The following CLIC5 variants were observed in gnomAD, a reference collection of about 807,000 sequenced individuals.
CLIC5 encodes the protein CLIC family member 5, also known as chloride intracellular channel protein 5.
CLIC5 carries 20 observed loss-of-function variants against 24.7 expected under a neutral mutation model. The ratio of observed to expected loss-of-function variants is 0.81; its 90% CI spans 0.57 to 1.18. The LOEUF is 1.18. Ranked by LOEUF, CLIC5 falls within the 50% of genes most tolerant of loss-of-function variation. The probability of loss-of-function intolerance (pLI) is 0.00; values close to 1 mark genes in which losing one functional copy is unlikely to be tolerated. For missense variants in CLIC5, 341 were observed against 326.1 expected (o/e 1.05, Z -0.35); for synonymous variants, 159 against 135.6 (o/e 1.17, Z -1.20).
the CLIC5 span, among the ~76,000 whole-genome samples, chr6:46,092,447 A>C: frequency 6.6e-6 from 1 of 152,222 alleles, no homozygotes. Context: ...TTCTAGAGTC[A>C]ATCTACAGAC....
intron 1 of CLIC5, among the ~76,000 whole-genome samples, chr6:46,042,212 T>C (rs527946835): frequency 6.6e-6 from 1 of 152,344 alleles, no homozygotes; most frequent in South Asian, 2.1e-4. Flanking sequence ...CTCGTTTGCC[T>C]TGCTTAAATA....
chr6:45,936,911 T>C (rs529323617), intron 4 of CLIC5, among the ~76,000 whole-genome samples: 30 of 151,048 alleles, frequency 2.0e-4, no homozygotes, highest in Admixed American at 1.8e-3. Flanking sequence ...TTAAGTGAAG[T>C]GAAGAGCAGG....
In CLIC5 at chr6:45,901,557, C is replaced by T. The variant is rs1762511873; in HGVS notation, c.*1531G>A. 1 of 152,062 alleles carries T rather than the reference C, an allele frequency of 6.6e-6. No individual in the cohort carries two copies. Among genetic ancestry groups the T allele is most frequent in the Admixed American group, 6.6e-5 (1 of 15,256 alleles). The allele number at this position is 152,062 out of a possible 1,614,324, so 9.4% of individuals were successfully genotyped here. On this transcript the variant is annotated 3_prime_UTR_variant, in exon 6 of 6. Coordinates refer to ENST00000339561, the MANE Select transcript of CLIC5 (RefSeq NM_016929.5). ...AGCACTTGGGAGCCTCACCCTTTACCAGCGAACACTATAGAAGGGGGATTG... is the reference window on the plus strand; with the variant it reads ...AGCACTTGGGAGCCTCACCCTTTACTAGCGAACACTATAGAAGGGGGATTG...
At chr6:45,906,526 G>T (rs1016811388) in intron 5 of CLIC5, among the ~76,000 whole-genome samples, 10 of 149,846 alleles carry the variant, frequency 6.7e-5, no homozygotes, top group Admixed American at 3.3e-4. Context: ...CTTTAATATT[G>T]TTAGCATACA....
chr6:46,091,509 G>A, the CLIC5 span, among the ~76,000 whole-genome samples: 3 of 152,152 alleles, frequency 2.0e-5, no homozygotes, highest in South Asian at 6.2e-4. Flanking sequence ...TCTAAGGCAG[G>A]AGGATTACCT....
chr6:46,067,821 C>A (rs1395258981), intron 1 of CLIC5, among the ~76,000 whole-genome samples: 1 of 152,188 alleles, frequency 6.6e-6, no homozygotes, highest in African/African-American at 2.4e-5. Context: ...AATATGGATT[C>A]TGGAACTGGC....
chr6:46,011,489 C>T (rs933107765), intron 1 of CLIC5, among the ~76,000 whole-genome samples: 5 of 152,200 alleles, frequency 3.3e-5, no homozygotes, highest in African/African-American at 1.2e-4. Context: ...ATGTAATCGG[C>T]TTGGGGAGCA....
At chr6:45,892,820 A>AGCTCTCAGT (rs1450387008) in intron 6 of CLIC5, among the ~76,000 whole-genome samples, 1 of 152,216 alleles carries the variant, frequency 6.6e-6, no homozygotes, top group Non-Finnish European at 1.5e-5. Flanking sequence ...AGCTACTCAG[A>AGCTCTCAGT]GCTCTCAGTG....
upstream of CLIC5, among the ~76,000 whole-genome samples, chr6:46,083,580 C>T (rs1298374479): frequency 6.6e-6 from 1 of 152,058 alleles, no homozygotes; most frequent in Non-Finnish European, 1.5e-5. Context: ...TGTAGTTGAG[C>T]AGTTTTGAGT....
intron 1 of CLIC5, among the ~76,000 whole-genome samples, chr6:45,978,123 C>T (rs908911633): frequency 6.6e-6 from 1 of 152,164 alleles, no homozygotes; most frequent in Non-Finnish European, 1.5e-5. Flanking sequence ...TGGTGTGGTA[C>T]TTAAAAAGTT....
At chr6:46,004,526 T>C (rs1283746974) in intron 1 of CLIC5, among the ~76,000 whole-genome samples, 1 of 151,854 alleles carries the variant, frequency 6.6e-6, no homozygotes, top group Admixed American at 6.6e-5. Context: ...GTGGAGGGAG[T>C]CCAAGTGGGG....
the CLIC5 span, among the ~76,000 whole-genome samples, chr6:46,119,681 T>C: frequency 6.6e-6 from 1 of 152,218 alleles, no homozygotes; most frequent in South Asian, 2.1e-4. Context: ...TTCCCTTTCA[T>C]AGCCAAGCAA....
At chr6:46,126,122 T>C in the CLIC5 span, among the ~76,000 whole-genome samples, 1 of 152,158 alleles carries the variant, frequency 6.6e-6, no homozygotes, top group Non-Finnish European at 1.5e-5. Flanking sequence ...CCAAGATAGC[T>C]GGCACCTTAG....
intron 1 of CLIC5, among the ~76,000 whole-genome samples, chr6:46,061,793 G>A (rs955607941): frequency 6.6e-6 from 1 of 152,168 alleles, no homozygotes; most frequent in Non-Finnish European, 1.5e-5. Context: ...TTTTCAGTGT[G>A]AATACTTTTC....
chr6:46,077,538 C>T lies in CLIC5; in HGVS notation c.540+2165G>A, dbSNP rs192257020. Among the ~76,000 whole-genome samples the T allele has an allele frequency of 3.9e-5, 6 of 151,960 alleles. No homozygotes were observed. The East Asian group carries it at 1.2e-3, about 30-fold the overall frequency. The stretch of plus-strand genomic sequence containing the variant: ...TACAGTTTCACTCAAGCAGAGAAGG[C>T]CCTGTTTTACTCGATTTTATATATT... On this transcript the variant is annotated intron_variant, in intron 1 of 5. Transcript: ENST00000185206.
At chr6:45,952,427 CTA>C (rs1402117597) in intron 2 of CLIC5, among the ~76,000 whole-genome samples, 1 of 152,184 alleles carries the variant, frequency 6.6e-6, no homozygotes, top group Non-Finnish European at 1.5e-5. Flanking sequence ...CGAGTTCTTG[CTA>C]TGAGTCAGGT....
At chr6:45,948,559 T>G (rs1425113978) in intron 3 of CLIC5, among the ~76,000 whole-genome samples, 2 of 152,208 alleles carry the variant, frequency 1.3e-5, no homozygotes, top group African/African-American at 4.8e-5. Flanking sequence ...TTTTTCTAGT[T>G]TTTTCAAAAA....
intron 1 of CLIC5, among the ~76,000 whole-genome samples, chr6:45,986,984 T>C (rs1765765979): frequency 6.6e-6 from 1 of 152,214 alleles, no homozygotes. Context: ...CTCACATGTA[T>C]CAGTGGCAGT....
intron 4 of CLIC5, among the ~76,000 whole-genome samples, chr6:45,919,493 C>G (rs1256334910): frequency 3.3e-5 from 5 of 152,228 alleles, no homozygotes; most frequent in South Asian, 2.1e-4. Context: ...ACCCTCCCCC[C>G]CACCACCTCT....
Sources: gnomAD v4.1 joint callset for allele counts (sites outside exome capture counted in the v4.1 genomes callset) on GRCh38, gnomAD v4.1.1 for gene constraint, MANE v1.5 for transcripts, NCBI Gene and HGNC (gene_info 2026-07-23, HGNC 2026-07-21) for gene names.